The following CEP78 variants were observed in gnomAD, a reference collection of about 807,000 sequenced individuals.
CEP78 encodes the protein centrosomal protein of 78 kDa.
CEP78 carries 76 observed loss-of-function variants against 81.2 expected under a neutral mutation model. The ratio of observed to expected loss-of-function variants is 0.94; its 90% CI spans 0.78 to 1.13. The LOEUF is 1.13. CEP78 is among the 50% of genes most tolerant of loss of function. The pLI is 0.00. For synonymous variants in CEP78, 293 were observed against 301.4 expected (o/e 0.97, Z 0.29); for missense variants, 918 against 846.8 (o/e 1.08, Z -1.04).
At chr9:78,251,183 A>G (rs1353273894) in intron 8 of CEP78, among the ~76,000 whole-genome samples, 2 of 152,212 alleles carry the variant, frequency 1.3e-5, no homozygotes, top group Non-Finnish European at 2.9e-5. Context: ...ACTGAAATGT[A>G]GGATAAGACT....
Position 78,248,156 on chromosome 9 carries a change from T to C in CEP78, c.893-135T>C, listed in dbSNP as rs533488955. On this transcript the variant is annotated intron_variant, in intron 6 of 16. Coordinates refer to ENST00000643273, the MANE Select transcript of CEP78 (RefSeq NM_001330691.3). ...TTAGAATACTCAAAGGGGGAAAAGG[T>C]ATTTAATTACATTATGTGGAATTCA... 2.8e-4 allele frequency: 182 copies of C among 658,990 alleles called. 1 individual carries two copies. The African/African-American group carries it at 3.1e-3, about 11-fold the overall frequency. The allele number at this position is 658,990 out of a possible 1,614,324, so 40.8% of individuals were successfully genotyped here. A position where few individuals can be genotyped will look rare whatever the true frequency, so the allele number is the denominator to read the frequency against.
intron 1 of CEP78, among the ~76,000 whole-genome samples, chr9:78,237,878 G>C (rs1255520663): frequency 6.6e-6 from 1 of 151,370 alleles, no homozygotes; most frequent in African/African-American, 2.4e-5. Flanking sequence ...CCAAGGCGGG[G>C]GGGTGTGGAT....
intron 16 of CEP78, among the ~76,000 whole-genome samples, chr9:78,267,309 A>G (rs1388835132): frequency 1.3e-5 from 2 of 152,250 alleles, no homozygotes; most frequent in Non-Finnish European, 2.9e-5. Context: ...GGGAGAAAAC[A>G]GAACAACAAA....
In CEP78 at chr9:78,266,732, G is replaced by C. The variant is rs771410924; in HGVS notation, c.2107+29G>C. 2.5e-6 allele frequency: 4 copies of C among 1,610,196 alleles called. No individual in the cohort carries two copies. The African/African-American group carries it at 5.3e-5, about 22-fold the overall frequency. On this transcript the variant is annotated intron_variant, in intron 16 of 16. Transcript: ENST00000643273. ...AATATACCAAAAAACACTCTGATAA[G>C]CAACACCCTGGAAAGGACCTGCATT...
Position 78,273,860 on chromosome 9 carries a change from G to C in CEP78, c.*3009G>C, listed in dbSNP as rs1432066382. On this transcript the variant is annotated 3_prime_UTR_variant, in exon 17 of 17. Transcript: ENST00000643273. ...AAGACATCTCTTTTCAGAATCAGTG[G>C]ATCGACTGCTGCACACACACTAGAA... The C allele has an allele frequency of 6.6e-6, 1 of 152,222 alleles. No individual in the cohort carries two copies. The highest frequency in any genetic ancestry group is 1.5e-5 in the Non-Finnish European group (1 of 68,044). 9.4% of individuals were successfully genotyped at this position (152,222 alleles called of 1,614,324 possible).
chr9:78,267,009 T>C (rs1587611774), intron 16 of CEP78: 4 of 1,336,852 alleles, frequency 3.0e-6, no homozygotes, highest in African/African-American at 1.5e-5. Flanking sequence ...TTCATATGAC[T>C]AAATCTTTTG....
At chr9:78,258,674 A>C (rs1400539227) in intron 11 of CEP78, among the ~76,000 whole-genome samples, 1 of 152,212 alleles carries the variant, frequency 6.6e-6, no homozygotes, top group Non-Finnish European at 1.5e-5. Context: ...CGTTATTTAG[A>C]ACTAGAGAAG....
intron 8 of CEP78, chr9:78,250,424 A>T (rs1826701686): frequency 5.2e-6 from 2 of 387,442 alleles, no homozygotes; most frequent in Non-Finnish European, 9.1e-6. Context: ...AGATAAGTAA[A>T]TTAGTTTGGT....
intron 6 of CEP78, among the ~76,000 whole-genome samples, chr9:78,247,861 T>G (rs1826569801): frequency 1.3e-5 from 2 of 152,130 alleles, no homozygotes; most frequent in South Asian, 4.1e-4. Flanking sequence ...CCTAGGTGAT[T>G]TTGCATACAA....
chr9:78,270,845 C>A lies in CEP78; in HGVS notation c.2112C>A (p.Ser704=). The change falls in exon 17 of 17, where the codon TCC becomes TCA. Residue 704 remains serine, a synonymous_variant. Transcript: ENST00000643273. ...CACATTCTTTTATGCTTCTAGAATC[C>A]CATTGAAATGACTGGAGAAATATTA... ...SSSEKKTKTE[S]H 1.4e-6 allele frequency: 1 copy of A among 692,776 alleles called. No homozygotes were observed. Among genetic ancestry groups the A allele is most frequent in the South Asian group, 1.6e-5 (1 of 62,840 alleles). 42.9% of individuals were successfully genotyped at this position (692,776 alleles called of 1,614,324 possible).
intron 16 of CEP78, 192 bp downstream of exon 16, chr9:78,266,895 T>A: frequency 7.0e-7 from 1 of 1,433,156 alleles, no homozygotes; most frequent in Non-Finnish European, 9.1e-7. Flanking sequence ...GACTGTTTCA[T>A]CCAAGACAAA....
chr9:78,237,992 G>A (rs1826041622), intron 1 of CEP78, among the ~76,000 whole-genome samples: 1 of 151,400 alleles, frequency 6.6e-6, no homozygotes, highest in Non-Finnish European at 1.5e-5. Flanking sequence ...GGGCGTGGTG[G>A]CGGGCACCTG....
Position 78,276,260 on chromosome 9 carries a change from G to A in CEP78, c.*5409G>A, listed in dbSNP as rs531477190. The A allele has an allele frequency of 1.3e-5, 2 of 152,288 alleles. No homozygotes were observed. The highest frequency in any genetic ancestry group is 3.9e-4 in the East Asian group (2 of 5,190). 9.4% of individuals were successfully genotyped at this position (152,288 alleles called of 1,614,324 possible). A position where few individuals can be genotyped will look rare whatever the true frequency, so the allele number is the denominator to read the frequency against. ...TAGCTCACTAAATTAACAGATTAAAGAAGTATAGTCATCTTCACAAGCTGA... is the reference window on the plus strand; with the variant it reads ...TAGCTCACTAAATTAACAGATTAAAAAAGTATAGTCATCTTCACAAGCTGA... On this transcript the variant is annotated 3_prime_UTR_variant, in exon 17 of 17. Coordinates refer to ENST00000643273, the MANE Select transcript of CEP78 (RefSeq NM_001330691.3).
chr9:78,277,111 T>C lies in CEP78; in HGVS notation c.*6260T>C, dbSNP rs748615742. ...AGGGTTTGAACTATTCAGTAAATGA[T>C]GTTGAGGTTATTTACTACTTTTTCT... On this transcript the variant is annotated 3_prime_UTR_variant, in exon 17 of 17. Transcript: ENST00000643273. 4 of 152,054 alleles carry C rather than the reference T, an allele frequency of 2.6e-5. No homozygotes were observed. Among genetic ancestry groups the C allele is most frequent in the Non-Finnish European group, 4.4e-5 (3 of 67,978 alleles). The allele number at this position is 152,054 out of a possible 1,614,324, so 9.4% of individuals were successfully genotyped here. A position where few individuals can be genotyped will look rare whatever the true frequency, so the allele number is the denominator to read the frequency against.
At chr9:78,264,124 C>T (rs200239554) in intron 12 of CEP78, 26 bp from the exon 13 acceptor site, 119 of 1,386,676 alleles carry the variant, frequency 8.6e-5, no homozygotes, top group Non-Finnish European at 1.1e-4. Flanking sequence ...AAAATCATGT[C>T]ACACATTTTC....
intron 7 of CEP78, 65 bp from the exon 8 acceptor site, chr9:78,248,697 A>ATT: frequency 1.2e-6 from 1 of 859,028 alleles, no homozygotes; most frequent in Non-Finnish European, 1.8e-6. Flanking sequence ...AACAATTTCC[A>ATT]TTTAAGATGT....
intron 13 of CEP78, among the ~76,000 whole-genome samples, chr9:78,264,973 G>A (rs7020215): frequency 0.021 from 3,199 of 152,292 alleles, 111 homozygotes; most frequent in African/African-American, 0.072. Context: ...ACGGTTTGGT[G>A]AGGAAAGGAA....
At chr9:78,252,181 C>G (rs909557936) in intron 9 of CEP78, 138 bp downstream of exon 9, 1 of 700,418 alleles carries the variant, frequency 1.4e-6, no homozygotes, top group African/African-American at 1.8e-5. Flanking sequence ...CCTCATGAAT[C>G]CTTTAAGGAA....
chr9:78,266,757 T>C, intron 16 of CEP78, 54 bp downstream of exon 16: 1 of 1,599,016 alleles, frequency 6.3e-7, no homozygotes, highest in South Asian at 1.1e-5. Context: ...GGACCTGCAT[T>C]CCTGATCTGA....
Sources: allele counts gnomAD v4.1 joint callset (sites outside exome capture counted in the v4.1 genomes callset), GRCh38; gene constraint gnomAD v4.1.1; transcripts MANE v1.5; gene names NCBI Gene and HGNC (gene_info 2026-07-23, HGNC 2026-07-21).